SNX3: variants seen among roughly 807,000 people sequenced by gnomAD.
SNX3 encodes the protein sorting nexin-3.
In SNX3, 5 loss-of-function variants were observed where a neutral mutation model predicts 17.7. That is an observed-to-expected ratio of 0.28 (90% CI 0.15 to 0.59). The LOEUF is 0.59. SNX3 is among the 20% of genes least tolerant of loss of function. The pLI is 0.88. For synonymous variants in SNX3, 91 were observed against 76.5 expected, an observed-to-expected ratio of 1.19 and a Z score of -0.99; for missense variants, 132 against 206.8, an observed-to-expected ratio of 0.64 and a Z score of 2.22.
chr6:108,248,950 T>A (rs1490340128), intron 1 of SNX3, among the ~76,000 whole-genome samples: 1 of 152,144 alleles, frequency 6.6e-6, no homozygotes, highest in Non-Finnish European at 1.5e-5. Flanking sequence ...ACAGAGTTTG[T>A]AGAAAGGACT....
chr6:108,222,506 G>A (rs897459807), intron 2 of SNX3, among the ~76,000 whole-genome samples: 2 of 152,178 alleles, frequency 1.3e-5, no homozygotes, highest in African/African-American at 2.4e-5. Flanking sequence ...ATATCACACA[G>A]AGTGAGGTCA....
At chr6:108,229,994 T>C (rs1342295791) in intron 1 of SNX3, among the ~76,000 whole-genome samples, 1 of 152,080 alleles carries the variant, frequency 6.6e-6, no homozygotes, top group East Asian at 1.9e-4. Context: ...CATTAAGGTG[T>C]AGAATTAAGA....
rs542866362 is a variant in SNX3 at position 108,211,411 on chromosome 6, T to A, written c.*738A>T. ...TCACCACTGTTTAAAGGGAATGGAG[T>A]TACAGGAATGAGAAGTATATAATTA... On this transcript the variant is annotated 3_prime_UTR_variant, in exon 4 of 4. Transcript: ENST00000230085. 26 of 152,166 alleles carry A rather than the reference T, an allele frequency of 1.7e-4. No homozygotes were observed. The South Asian group carries it at 5.4e-3, about 32-fold the overall frequency. The allele number at this position is 152,166 out of a possible 1,614,324, so 9.4% of individuals were successfully genotyped here. A position where few individuals can be genotyped will look rare whatever the true frequency, so the allele number is the denominator to read the frequency against.
intron 1 of SNX3, among the ~76,000 whole-genome samples, chr6:108,234,804 A>G (rs1775275886): frequency 6.6e-6 from 1 of 152,180 alleles, no homozygotes; most frequent in Admixed American, 6.5e-5. Context: ...GATGAAGCAC[A>G]CAGTTCTGGA....
chr6:108,259,001 A>C, intron 1 of SNX3, among the ~76,000 whole-genome samples: 1 of 152,174 alleles, frequency 6.6e-6, no homozygotes, highest in Non-Finnish European at 1.5e-5. Flanking sequence ...CTGCTATGGA[A>C]GTATAGAAAC....
chr6:108,212,013 C>A lies in SNX3; in HGVS notation c.*136G>T. The A allele has an allele frequency of 1.8e-6, 1 of 554,444 alleles. No homozygotes were observed. Among genetic ancestry groups the A allele is most frequent in the Non-Finnish European group, 3.2e-6 (1 of 313,822 alleles). 34.3% of individuals were successfully genotyped at this position (554,444 alleles called of 1,614,324 possible). On this transcript the variant is annotated 3_prime_UTR_variant, in exon 4 of 4. Coordinates refer to ENST00000230085, the MANE Select transcript of SNX3 (RefSeq NM_003795.6). The stretch of plus-strand genomic sequence containing the variant: ...CTTCTTGTCAACTGCCAAAACAAAA[C>A]AAAACTGAGCATATGAGTGTTAGTA...
intron 1 of SNX3, among the ~76,000 whole-genome samples, chr6:108,231,275 C>A (rs1045013713): frequency 6.6e-6 from 1 of 152,098 alleles, no homozygotes; most frequent in African/African-American, 2.4e-5. Context: ...TTAGTAGAGA[C>A]GGGGTTTCAC....
At chr6:108,246,566 G>A (rs1775698474) in intron 1 of SNX3, among the ~76,000 whole-genome samples, 1 of 151,324 alleles carries the variant, frequency 6.6e-6, no homozygotes, top group African/African-American at 2.4e-5. Context: ...CTGATCTCTG[G>A]TGATCCACCC....
chr6:108,248,157 G>A (rs950422020), intron 1 of SNX3, among the ~76,000 whole-genome samples: 4 of 152,054 alleles, frequency 2.6e-5, no homozygotes, highest in Admixed American at 1.3e-4. Context: ...CTCACTTTCT[G>A]CCCACACACA....
At chr6:108,249,841 T>C (rs1198489864) in intron 1 of SNX3, among the ~76,000 whole-genome samples, 21 of 152,200 alleles carry the variant, frequency 1.4e-4, no homozygotes, top group Non-Finnish European at 5.9e-5. Context: ...TGTGCAGTGT[T>C]ATATTTAATG....
In SNX3 at chr6:108,214,614, A is replaced by T; in HGVS notation, c.267T>A (p.Val89=). 6.2e-7 allele frequency: 1 copy of T among 1,611,116 alleles called. No individual in the cohort carries two copies. Residue 89 remains valine (V), a synonymous_variant, in exon 3 of 4, where the codon GTT becomes GTA. Transcript: ENST00000230085. ...SELERESKVV[V]PPLPGKAFLR... ...AAAACGCTTTCCCAGGGAGCGGGGG[A>T]ACTACGACCTAAAATGTGAAGACAG...
chr6:108,234,090 G>C lies in SNX3; in HGVS notation c.163-11045C>G, dbSNP rs1300636523. ...CATTATATTTACAGTGTAAAGAGGG[G>C]GTGGGGAGGGGAGAGCGGAATACTC... On this transcript the variant is annotated intron_variant, in intron 1 of 3. Coordinates refer to ENST00000230085, the MANE Select transcript of SNX3 (RefSeq NM_003795.6). Among the ~76,000 whole-genome samples the C allele has an allele frequency of 2.0e-5, 3 of 152,094 alleles. No homozygotes were observed. In the East Asian group the frequency reaches 5.8e-4, roughly 29 times the overall value.
At chr6:108,232,879 T>C (rs760333769) in intron 1 of SNX3, among the ~76,000 whole-genome samples, 5 of 152,258 alleles carry the variant, frequency 3.3e-5, no homozygotes, top group Non-Finnish European at 7.3e-5. Context: ...ACTGGAGATA[T>C]GGTTTATAAC....
chr6:108,223,042 T>A lies in SNX3; in HGVS notation c.166A>T (p.Asn56Tyr). 6.3e-7 allele frequency: 1 copy of A among 1,588,680 alleles called. No homozygotes were observed. Among genetic ancestry groups the A allele is most frequent in the Non-Finnish European group, 8.6e-7 (1 of 1,161,536 alleles). The change falls in exon 2 of 4, where the codon AAT becomes TAT. Residue 56 changes from asparagine to tyrosine, a missense_variant. Asn to Tyr is a moderately radical substitution (Grantham distance 143). Transcript: ENST00000230085. ...TCTTTCAGCTTGAAAATAGGAAGAT[T>A]TGTCTGAAACAAAAAAAGTTAGTCC... ...FTTYEIRVKTNLPIFKLKEST... is the reference protein window; with the variant it reads ...FTTYEIRVKTYLPIFKLKEST...
intron 1 of SNX3, among the ~76,000 whole-genome samples, chr6:108,227,879 T>C (rs1389511279): frequency 6.6e-6 from 1 of 152,028 alleles, no homozygotes; most frequent in Non-Finnish European, 1.5e-5. Flanking sequence ...ACTCCTGTGA[T>C]TGGTCACTTT....
At chr6:108,214,740 T>C (rs544864051) in intron 2 of SNX3, 118 bp from the exon 3 acceptor site, 18 of 1,113,560 alleles carry the variant, frequency 1.6e-5, no homozygotes, top group African/African-American at 6.4e-5. Context: ...GTCAAACTAG[T>C]TGAAATATAA....
chr6:108,250,676 A>T (rs765343495), intron 1 of SNX3, among the ~76,000 whole-genome samples: 2 of 152,098 alleles, frequency 1.3e-5, no homozygotes, highest in Non-Finnish European at 2.9e-5. Context: ...GGGCTTTGAG[A>T]CTCCTCTGTT....
chr6:108,222,436 G>A, intron 2 of SNX3: 1 of 1,008,400 alleles, frequency 9.9e-7, no homozygotes, highest in Non-Finnish European at 1.3e-6. Flanking sequence ...ATTGCCGGCA[G>A]CAACCCATTA....
intron 1 of SNX3, among the ~76,000 whole-genome samples, chr6:108,248,236 C>T (rs1462006815): frequency 2.6e-5 from 4 of 152,186 alleles, no homozygotes; most frequent in Non-Finnish European, 5.9e-5. Flanking sequence ...TTTACCTCTC[C>T]CCACTCTCCT....
Sources: gnomAD v4.1 joint callset for allele counts (sites outside exome capture counted in the v4.1 genomes callset) on GRCh38, gnomAD v4.1.1 for gene constraint, MANE v1.5 for transcripts, NCBI Gene and HGNC (gene_info 2026-07-23, HGNC 2026-07-21) for gene names.